The following ADAMTSL1 variants were observed in gnomAD, a reference collection of about 807,000 sequenced individuals.
ADAMTSL1 encodes ADAMTS-like protein 1.
A neutral mutation model predicts 201.8 loss-of-function variants in ADAMTSL1; 126 were observed. The ratio of observed to expected loss-of-function variants is 0.62; its 90% CI spans 0.54 to 0.72. The LOEUF is 0.72. Ranked by LOEUF, ADAMTSL1 falls within the 30% of genes least tolerant of loss-of-function variation. The pLI is 0.00. For synonymous variants in ADAMTSL1, 1,121 were observed against 903.4 expected (o/e 1.24, Z -4.32); for missense variants, 2,679 against 2,277.8 (o/e 1.18, Z -3.59).
chr9:17,931,782 G>T (rs900391967), intron 1 of ADAMTSL1, among the ~76,000 whole-genome samples: 3 of 152,104 alleles, frequency 2.0e-5, no homozygotes, highest in Admixed American at 2.0e-4. Flanking sequence ...TTCTTTAATA[G>T]GATTAGCAAG....
intron 19 of ADAMTSL1, among the ~76,000 whole-genome samples, chr9:18,785,524 G>A (rs1311612800): frequency 6.6e-6 from 1 of 152,246 alleles, no homozygotes; most frequent in Non-Finnish European, 1.5e-5. Flanking sequence ...CATGTTTACA[G>A]TGTTGATGGC....
At chr9:18,590,389 T>C (rs1449284164) in intron 4 of ADAMTSL1, among the ~76,000 whole-genome samples, 1 of 152,210 alleles carries the variant, frequency 6.6e-6, no homozygotes, top group South Asian at 2.1e-4. Context: ...ATTTTAATTA[T>C]TTGAGTCTTC....
intron 1 of ADAMTSL1, among the ~76,000 whole-genome samples, chr9:18,015,277 C>T (rs1353583463): frequency 6.6e-6 from 1 of 151,952 alleles, no homozygotes; most frequent in Non-Finnish European, 1.5e-5. Flanking sequence ...AGGGATCTAA[C>T]CGAAAGATGG....
chr9:18,201,289 G>A (rs1214305877), intron 2 of ADAMTSL1, among the ~76,000 whole-genome samples: 1 of 152,070 alleles, frequency 6.6e-6, no homozygotes, highest in Admixed American at 6.6e-5. Flanking sequence ...CAATAAATTT[G>A]ATGATTCTAG....
chr9:18,760,199 G>T (rs189174186), intron 16 of ADAMTSL1, among the ~76,000 whole-genome samples: 2 of 152,052 alleles, frequency 1.3e-5, no homozygotes, highest in South Asian at 4.2e-4. Flanking sequence ...TGAGCCTCAC[G>T]CATCCTTCAC....
intron 20 of ADAMTSL1, among the ~76,000 whole-genome samples, chr9:18,807,689 AC>A (rs1208412236): frequency 6.6e-6 from 1 of 151,262 alleles, no homozygotes; most frequent in Non-Finnish European, 1.5e-5. Flanking sequence ...CATAGTACTG[AC>A]TGCTGAGGCG....
At chr9:18,297,454 A>G (rs1833519047) in intron 2 of ADAMTSL1, among the ~76,000 whole-genome samples, 1 of 150,880 alleles carries the variant, frequency 6.6e-6, no homozygotes. Flanking sequence ...TTGTGTTTTT[A>G]TAAATATCAG....
intron 1 of ADAMTSL1, among the ~76,000 whole-genome samples, chr9:18,501,746 A>T (rs1186060807): frequency 6.6e-6 from 1 of 152,194 alleles, no homozygotes; most frequent in Non-Finnish European, 1.5e-5. Flanking sequence ...ATTCCATTGA[A>T]ATGAATTATG....
chr9:18,412,664 G>A (rs989462144), intron 2 of ADAMTSL1, among the ~76,000 whole-genome samples: 1 of 152,114 alleles, frequency 6.6e-6, no homozygotes, highest in Non-Finnish European at 1.5e-5. Context: ...GTTTTGATGT[G>A]TTTCCATCCA....
Position 17,936,768 on chromosome 9 carries a change from G to A in ADAMTSL1, c.87+29846G>A, listed in dbSNP as rs944620103. Among the ~76,000 whole-genome samples the A allele has an allele frequency of 2.0e-5, 3 of 152,244 alleles. No homozygotes were observed. In the South Asian group the frequency reaches 6.2e-4, roughly 32 times the overall value. The stretch of plus-strand genomic sequence containing the variant: ...ACCTCGCCACCGCCTGCATGGATGG[G>A]CTTTTGCCAGAAATTGGCCTGCTTT... On this transcript the variant is annotated intron_variant, in intron 1 of 29. Transcript: ENST00000680146.
intron 26 of ADAMTSL1, among the ~76,000 whole-genome samples, chr9:18,896,451 G>A (rs1025250416): frequency 1.3e-5 from 2 of 152,042 alleles, no homozygotes; most frequent in Non-Finnish European, 2.9e-5. Context: ...CAAGATGGCT[G>A]ATTAGAAGCA....
At chr9:18,254,459 T>C (rs1831596141) in intron 2 of ADAMTSL1, among the ~76,000 whole-genome samples, 1 of 138,598 alleles carries the variant, frequency 7.2e-6, no homozygotes, top group East Asian at 2.4e-4. Flanking sequence ...ACCTCCCGGG[T>C]TCACGCCGTT....
intron 1 of ADAMTSL1, among the ~76,000 whole-genome samples, chr9:18,115,691 A>C (rs1277012620): frequency 2.6e-5 from 4 of 152,132 alleles, no homozygotes; most frequent in Admixed American, 1.3e-4. Context: ...CTTGTTTTAC[A>C]AATAGTGATG....
At chr9:18,078,492 T>A (rs534810388) in intron 1 of ADAMTSL1, among the ~76,000 whole-genome samples, 1 of 152,274 alleles carries the variant, frequency 6.6e-6, no homozygotes, top group South Asian at 2.1e-4. Context: ...CTGACTAACT[T>A]TCAGGCTCAT....
chr9:18,214,472 T>C (rs1464181885), intron 2 of ADAMTSL1, among the ~76,000 whole-genome samples: 1 of 152,200 alleles, frequency 6.6e-6, no homozygotes, highest in African/African-American at 2.4e-5. Flanking sequence ...TACATTGAAA[T>C]TGACCTTAAA....
At chr9:18,623,082 G>T (rs550501637) in intron 5 of ADAMTSL1, among the ~76,000 whole-genome samples, 1 of 152,172 alleles carries the variant, frequency 6.6e-6, no homozygotes, top group South Asian at 2.1e-4. Flanking sequence ...TTTTAGTAGA[G>T]ACAGGGTTTC....
chr9:18,702,909 C>T (rs1394385300), intron 13 of ADAMTSL1, among the ~76,000 whole-genome samples: 1 of 152,044 alleles, frequency 6.6e-6, no homozygotes, highest in Non-Finnish European at 1.5e-5. Flanking sequence ...ATTACAGGTG[C>T]CTGCCACCAT....
chr9:18,390,038 A>G (rs1837978489), intron 2 of ADAMTSL1, among the ~76,000 whole-genome samples: 2 of 152,202 alleles, frequency 1.3e-5, no homozygotes, highest in African/African-American at 4.8e-5. Flanking sequence ...TGAGTATTTG[A>G]TGAAATTTGG....
intron 1 of ADAMTSL1, among the ~76,000 whole-genome samples, chr9:18,015,533 G>A (rs1297583418): frequency 2.0e-5 from 3 of 152,050 alleles, no homozygotes; most frequent in East Asian, 3.9e-4. Context: ...TGTGATACAA[G>A]GACTACACAC....
Sources: gnomAD v4.1 joint callset for allele counts (sites outside exome capture counted in the v4.1 genomes callset) on GRCh38, gnomAD v4.1.1 for gene constraint, MANE v1.5 for transcripts, NCBI Gene and HGNC (gene_info 2026-07-23, HGNC 2026-07-21) for gene names.